Variants in PTDSS1 observed in about 807,000 individuals in gnomAD.
PTDSS1 encodes the protein PSS-1.
In PTDSS1, 45 loss-of-function variants were observed where a neutral mutation model predicts 70.5. That is an observed-to-expected ratio of 0.64 (90% CI 0.50 to 0.82). The LOEUF (loss-of-function observed/expected upper bound fraction) is 0.82. PTDSS1 is among the 40% of genes least tolerant of loss of function. PTDSS1 has a pLI of 0.00. For missense variants in PTDSS1, 417 were observed against 586.1 expected (o/e 0.71, Z 2.98); for synonymous variants, 188 against 203.8 (o/e 0.92, Z 0.66).
intron 9 of PTDSS1, among the ~76,000 whole-genome samples, chr8:96,317,024 T>G (rs972663616): frequency 6.8e-5 from 4 of 58,466 alleles, no homozygotes; most frequent in African/African-American, 2.4e-4. Context: ...TGTGTATATA[T>G]ATATGTGTCT....
At chr8:96,279,299 C>T (rs79177354) in intron 2 of PTDSS1, among the ~76,000 whole-genome samples, 2,855 of 151,700 alleles carry the variant, frequency 0.019, 84 homozygotes, top group African/African-American at 0.065. Flanking sequence ...CACTTTTTTA[C>T]GGTCTTTGAG....
chr8:96,269,218 A>C (rs1321149019), intron 1 of PTDSS1, among the ~76,000 whole-genome samples: 1 of 152,210 alleles, frequency 6.6e-6, no homozygotes, highest in African/African-American at 2.4e-5. Context: ...AGAAGCCCTC[A>C]TACCTACTTC....
intron 9 of PTDSS1, among the ~76,000 whole-genome samples, chr8:96,317,405 C>A (rs1358298198): frequency 8.1e-6 from 1 of 124,222 alleles, no homozygotes; most frequent in Non-Finnish European, 1.7e-5. Context: ...CAAATCATAT[C>A]CTTAAGTTGC....
At chr8:96,272,513 G>A (rs944189697) in intron 1 of PTDSS1, among the ~76,000 whole-genome samples, 1 of 152,154 alleles carries the variant, frequency 6.6e-6, no homozygotes, top group Admixed American at 6.5e-5. Context: ...TAGGATGACA[G>A]ATCATTTTTT....
chr8:96,334,815 C>G lies in PTDSS1; in HGVS notation c.*1249C>G, dbSNP rs948993942. The G allele has an allele frequency of 6.6e-6, 1 of 152,076 alleles. No individual in the cohort carries two copies. Among genetic ancestry groups the G allele is most frequent in the Non-Finnish European group, 1.5e-5 (1 of 68,010 alleles). 9.4% of individuals were successfully genotyped at this position (152,076 alleles called of 1,614,324 possible). Reference sequence around the variant, plus strand: ...TTTCCAAGTTGGACTTTTTTTTCCTCTAACAAGAGGCCAGTACCCAGTTGA... The same window carrying G: ...TTTCCAAGTTGGACTTTTTTTTCCTGTAACAAGAGGCCAGTACCCAGTTGA... On this transcript the variant is annotated 3_prime_UTR_variant, in exon 13 of 13. Coordinates refer to ENST00000517309, the MANE Select transcript of PTDSS1 (RefSeq NM_014754.3).
intron 2 of PTDSS1, among the ~76,000 whole-genome samples, chr8:96,276,976 G>GA (rs1810654762): frequency 9.3e-6 from 1 of 107,484 alleles, no homozygotes; most frequent in African/African-American, 3.0e-5. Context: ...GCGCGCACGC[G>GA]CGCGCACACA....
chr8:96,315,066 G>T (rs28441183), intron 9 of PTDSS1, among the ~76,000 whole-genome samples: 65,715 of 151,718 alleles, frequency 0.43, 14,647 homozygotes, highest in Middle Eastern at 0.48. Flanking sequence ...AAAGTTGACA[G>T]GAGCACAATA....
chr8:96,317,266 T>A (rs1811308126), intron 9 of PTDSS1, among the ~76,000 whole-genome samples: 1 of 151,880 alleles, frequency 6.6e-6, no homozygotes, highest in Non-Finnish European at 1.5e-5. Context: ...TGCCCAGGCC[T>A]CAGTCTGGGA....
At chr8:96,319,705 C>T (rs1251655461) in intron 9 of PTDSS1, among the ~76,000 whole-genome samples, 1 of 152,170 alleles carries the variant, frequency 6.6e-6, no homozygotes, top group African/African-American at 2.4e-5. Flanking sequence ...CTCTTAATCA[C>T]AGTCTAGACT....
chr8:96,325,281 T>G (rs774826167), intron 10 of PTDSS1, among the ~76,000 whole-genome samples: 2 of 152,222 alleles, frequency 1.3e-5, no homozygotes, highest in African/African-American at 4.8e-5. Flanking sequence ...TCTTCATCAC[T>G]GCCCTCCAAG....
At chr8:96,287,304 C>A in intron 4 of PTDSS1, 158 bp downstream of exon 4, 1 of 954,220 alleles carries the variant, frequency 1.0e-6, no homozygotes. Context: ...GCATGGTTGT[C>A]CACAGGTGAT....
At position 96,334,104 on chromosome 8, in the gene PTDSS1, ATTG is replaced by A. The variant is rs1811561358; in HGVS notation, c.*539_*541del. 5 of 335,590 alleles carry A rather than the reference ATTG, an allele frequency of 1.5e-5. No individual in the cohort carries two copies. In the East Asian group the frequency reaches 2.6e-4, roughly 17 times the overall value. The allele number at this position is 335,590 out of a possible 1,614,324, so 20.8% of individuals were successfully genotyped here. A position where few individuals can be genotyped will look rare whatever the true frequency, so the allele number is the denominator to read the frequency against. ...ACAGCCTTTAGAAGCCGCTGCTGAA[ATTG>A]ATACTGGGGGAAGGGTTCCCCTTCC... is the stretch of plus-strand genomic sequence containing the variant. On this transcript the variant is annotated 3_prime_UTR_variant, in exon 13 of 13. Coordinates refer to ENST00000517309, the MANE Select transcript of PTDSS1 (RefSeq NM_014754.3).
intron 1 of PTDSS1, among the ~76,000 whole-genome samples, chr8:96,270,780 C>A (rs2129998737): frequency 6.6e-6 from 1 of 152,226 alleles, no homozygotes; most frequent in African/African-American, 2.4e-5. Flanking sequence ...TTCAGAACCA[C>A]CTGCTATTTT....
intron 6 of PTDSS1, among the ~76,000 whole-genome samples, chr8:96,302,589 T>TTGG (rs1239867787): frequency 4.6e-5 from 7 of 151,928 alleles, no homozygotes; most frequent in Non-Finnish European, 7.4e-5. Flanking sequence ...GTTGTTGTTG[T>TTGG]TGTTGTTTTT....
intron 6 of PTDSS1, 150 bp downstream of exon 6, chr8:96,299,995 T>G: frequency 9.1e-7 from 1 of 1,104,614 alleles, no homozygotes; most frequent in East Asian, 2.8e-5. Flanking sequence ...TAAACCTGAT[T>G]TCAAGCATTT....
chr8:96,297,960 G>A (rs1275318229), intron 5 of PTDSS1, among the ~76,000 whole-genome samples: 7 of 152,286 alleles, frequency 4.6e-5, no homozygotes, highest in Middle Eastern at 3.4e-3. Context: ...TGGGTCTATC[G>A]GGGGCCCATC....
chr8:96,290,919 A>T (rs947433872), intron 4 of PTDSS1, among the ~76,000 whole-genome samples: 1 of 148,240 alleles, frequency 6.7e-6, no homozygotes, highest in Non-Finnish European at 1.5e-5. Context: ...ATAAAATATT[A>T]TAAATCCCTT....
intron 5 of PTDSS1, among the ~76,000 whole-genome samples, chr8:96,297,950 T>C (rs1246464685): frequency 6.6e-6 from 1 of 152,232 alleles, no homozygotes; most frequent in Non-Finnish European, 1.5e-5. Context: ...TCCTTGGGCT[T>C]GGGTCTATCG....
intron 11 of PTDSS1, 53 bp from the exon 12 acceptor site, chr8:96,330,963 TGCCCTGCCAC>T: frequency 6.9e-7 from 1 of 1,439,942 alleles, no homozygotes. Context: ...CTCGCCTTTT[TGCCCTGCCAC>T]TTCTCCCAGG....
Sources: gnomAD v4.1 joint callset for allele counts (sites outside exome capture counted in the v4.1 genomes callset) on GRCh38, gnomAD v4.1.1 for gene constraint, MANE v1.5 for transcripts, NCBI Gene and HGNC (gene_info 2026-07-23, HGNC 2026-07-21) for gene names.